MAP2K3: variants seen among roughly 807,000 people sequenced by gnomAD.
MAP2K3 encodes dual specificity mitogen-activated protein kinase kinase 3.
Under a neutral mutation model 46.4 loss-of-function variants are expected in MAP2K3, and 30 were observed. That is an observed-to-expected ratio of 0.65 (90% confidence interval 0.48 to 0.88). The LOEUF is 0.88. Among genes scored for constraint, MAP2K3 ranks in the 40% least tolerant of loss-of-function variants. The pLI, the probability that MAP2K3 is intolerant of heterozygous loss-of-function variation, is 0.00. For missense variants in MAP2K3, 380 were observed against 464.5 expected, an observed-to-expected ratio of 0.82 and a Z score of 1.67; for synonymous variants, 189 against 176.3, an observed-to-expected ratio of 1.07 and a Z score of -0.57.
intron 1 of MAP2K3, among the ~76,000 whole-genome samples, chr17:21,285,919 A>G (rs1181306410): frequency 1.3e-5 from 2 of 151,268 alleles, no homozygotes; most frequent in Admixed American, 1.3e-4. Flanking sequence ...TTTCAGGAAG[A>G]GGAAAGGATG....
chr17:21,288,930 CCTCTT>C (rs1345207554), intron 1 of MAP2K3, among the ~76,000 whole-genome samples: 2 of 152,242 alleles, frequency 1.3e-5, no homozygotes, highest in African/African-American at 4.8e-5. Context: ...CCCTCAGTCT[CCTCTT>C]CTGTAAAGTG....
chr17:21,290,872 G>T (rs1323143858), intron 1 of MAP2K3, among the ~76,000 whole-genome samples: 9 of 152,304 alleles, frequency 5.9e-5, no homozygotes, highest in Non-Finnish European at 1.0e-4. Flanking sequence ...GATCGTTTGT[G>T]CCTGGGAGGT....
intron 11 of MAP2K3, 51 bp downstream of exon 11, chr17:21,313,588 T>TGGGGGG: frequency 3.3e-6 from 2 of 597,476 alleles, no homozygotes; most frequent in Admixed American, 2.0e-5. Flanking sequence ...TGGCTGGGGC[T>TGGGGGG]GGGTGGGGCT....
intron 1 of MAP2K3, among the ~76,000 whole-genome samples, chr17:21,294,030 T>A (rs759486840): frequency 6.6e-6 from 1 of 152,310 alleles, no homozygotes; most frequent in African/African-American, 2.4e-5. Context: ...GGGGCCAGTG[T>A]CTGGCAGGTC....
At chr17:21,288,880 C>T (rs1239390557) in intron 1 of MAP2K3, among the ~76,000 whole-genome samples, 2 of 152,264 alleles carry the variant, frequency 1.3e-5, no homozygotes, top group African/African-American at 4.8e-5. Flanking sequence ...ATCCTGGCTC[C>T]ACTACTTCCT....
At chr17:21,291,508 G>T (rs66503560) in intron 1 of MAP2K3, 2 of 429,256 alleles carry the variant, frequency 4.7e-6, no homozygotes, top group South Asian at 1.7e-5. Flanking sequence ...CCGGGCCCAC[G>T]TGGGGACCTT....
At chr17:21,301,031 C>A (rs1976570071) in intron 5 of MAP2K3, 38 bp downstream of exon 5, 1 of 1,613,470 alleles carries the variant, frequency 6.2e-7, no homozygotes, top group Non-Finnish European at 8.5e-7. Flanking sequence ...ATCTCCACCT[C>A]CCACCCATCA....
At chr17:21,287,919 C>T (rs151045599) in intron 1 of MAP2K3, 2 of 754,630 alleles carry the variant, frequency 2.7e-6, no homozygotes, top group Non-Finnish European at 4.0e-6. Flanking sequence ...GGCCACCCCC[C>T]CAACCCCTGG....
intron 1 of MAP2K3, chr17:21,291,534 G>C (rs1393386143): frequency 2.2e-6 from 1 of 456,378 alleles, no homozygotes; most frequent in Admixed American, 2.3e-5. Flanking sequence ...CACAGCCTAC[G>C]ATCCTGGTGC....
At chr17:21,287,959 G>A (rs775707317) in intron 1 of MAP2K3, 1 of 1,176,144 alleles carries the variant, frequency 8.5e-7, no homozygotes, top group South Asian at 1.3e-5. Context: ...TGGCACCTCG[G>A]GGACTTCCCC....
intron 9 of MAP2K3, among the ~76,000 whole-genome samples, chr17:21,309,233 C>T (rs1332209321): frequency 2.0e-5 from 3 of 152,424 alleles, no homozygotes; most frequent in African/African-American, 7.2e-5. Flanking sequence ...AGGAAGTTCT[C>T]TGAAGTGCTA....
rs1977263236 is a variant in MAP2K3, at chr17:21,313,526, C to T, written c.949C>T (p.Leu317=). Residue 317 remains leucine, a synonymous_variant, in exon 11 of 12, where the codon CTG becomes TTG. Transcript: ENST00000342679. ...RKNPAERMSY[L]ELMEHPFFTL... is the part of the protein sequence containing the mutation. ...GAACCCCGCAGAGCGTATGAGCTACCTGGAGCTGATGGTGAGTATGGGCGG... is the reference window on the plus strand; with the variant it reads ...GAACCCCGCAGAGCGTATGAGCTACTTGGAGCTGATGGTGAGTATGGGCGG... 6.4e-7 allele frequency: 1 copy of T among 1,568,576 alleles called. No individual in the cohort carries two copies. The highest frequency in any genetic ancestry group is 8.7e-7 in the Non-Finnish European group (1 of 1,153,806).
At chr17:21,302,743 G>A (rs1418448167) in intron 6 of MAP2K3, among the ~76,000 whole-genome samples, 1 of 152,312 alleles carries the variant, frequency 6.6e-6, no homozygotes, top group African/African-American at 2.4e-5. Flanking sequence ...TAGAACCAGT[G>A]AGACTGGTTC....
intron 1 of MAP2K3, chr17:21,296,062 C>T: frequency 7.8e-7 from 1 of 1,276,704 alleles, no homozygotes; most frequent in Non-Finnish European, 1.0e-6. Context: ...TTACTTAGGG[C>T]AGTTTTTTTT....
chr17:21,291,346 TACAACACAACACAAC>T, intron 1 of MAP2K3: 1 of 341,898 alleles, frequency 2.9e-6, no homozygotes, highest in Non-Finnish European at 5.9e-6. Context: ...TACAATACAA[TACAACACAACACAAC>T]ACAACACAAC....
At chr17:21,313,777 G>C (rs886707215) in intron 11 of MAP2K3, 1 of 585,814 alleles carries the variant, frequency 1.7e-6, no homozygotes, top group Admixed American at 3.0e-5. Flanking sequence ...ATGGGGCAGA[G>C]GGGCCAAGGG....
chr17:21,308,428 G>A (rs1217649799), intron 9 of MAP2K3, among the ~76,000 whole-genome samples: 20 of 152,298 alleles, frequency 1.3e-4, no homozygotes, highest in African/African-American at 2.7e-4. Context: ...GATTACAGGC[G>A]TGAACCACCA....
At chr17:21,286,795 A>T (rs1975735329) in intron 1 of MAP2K3, among the ~76,000 whole-genome samples, 1 of 152,126 alleles carries the variant, frequency 6.6e-6, no homozygotes, top group African/African-American at 2.4e-5. Context: ...GAACTTCTAG[A>T]TGTGGACCCA....
At chr17:21,291,463 T>C (rs1431102332) in intron 1 of MAP2K3, 12 of 456,368 alleles carry the variant, frequency 2.6e-5, no homozygotes, top group South Asian at 9.3e-5. Flanking sequence ...CTGTCGACAG[T>C]GCAGGTGGCT....
Sources: gnomAD v4.1 joint callset for allele counts (sites outside exome capture counted in the v4.1 genomes callset) on GRCh38, gnomAD v4.1.1 for gene constraint, MANE v1.5 for transcripts, NCBI Gene and HGNC (gene_info 2026-07-23, HGNC 2026-07-21) for gene names.